Variants in TMEFF2 observed in about 807,000 individuals in gnomAD.
TMEFF2 encodes the protein transmembrane protein with EGF like and two follistatin like domains 2, also known as tomoregulin-2.
Under a neutral mutation model 53.8 loss-of-function variants are expected in TMEFF2, and 28 were observed. The observed-to-expected ratio is 0.52, with a 90% CI of 0.39 to 0.71. The LOEUF (loss-of-function observed/expected upper bound fraction) is 0.71. Ranked by LOEUF, TMEFF2 falls within the 30% of genes least tolerant of loss-of-function variation. The pLI, the probability that TMEFF2 is intolerant of heterozygous loss-of-function variation, is 0.00. For synonymous variants in TMEFF2, 162 were observed against 166.3 expected, an observed-to-expected ratio of 0.97 and a Z score of 0.20; for missense variants, 353 against 455.2, an observed-to-expected ratio of 0.78 and a Z score of 2.04.
chr2:191,964,217 TGTCTGTCTTTCTTTCC>T (rs929377312), intron 7 of TMEFF2, among the ~76,000 whole-genome samples: 5 of 110,694 alleles, frequency 4.5e-5, no homozygotes, highest in African/African-American at 1.5e-4. Flanking sequence ...TCTCTCTTTC[TGTCTGTCTTTCTTTCC>T]TTCCTTCCTT....
chr2:192,046,525 T>C (rs974152630), intron 5 of TMEFF2, among the ~76,000 whole-genome samples: 7 of 152,180 alleles, frequency 4.6e-5, no homozygotes, highest in East Asian at 1.9e-4. Flanking sequence ...CCAAAATTCA[T>C]TGGTCCAGAA....
chr2:192,076,787 C>G (rs895935629), intron 4 of TMEFF2, among the ~76,000 whole-genome samples: 1 of 152,104 alleles, frequency 6.6e-6, no homozygotes, highest in African/African-American at 2.4e-5. Flanking sequence ...GCAGGGTGTC[C>G]CACCACAGAT....
intron 4 of TMEFF2, among the ~76,000 whole-genome samples, chr2:192,062,968 GTTT>G (rs58620145): frequency 9.9e-5 from 15 of 151,006 alleles, no homozygotes; most frequent in South Asian, 2.1e-4. Context: ...GTCCGGGAGT[GTTT>G]TTTTTTTTTG....
intron 5 of TMEFF2, among the ~76,000 whole-genome samples, chr2:192,007,611 T>C (rs533169292): frequency 6.6e-6 from 1 of 152,292 alleles, no homozygotes; most frequent in Admixed American, 6.5e-5. Context: ...CTAGACAGAT[T>C]GCAAAGGGCC....
intron 4 of TMEFF2, among the ~76,000 whole-genome samples, chr2:192,098,797 T>A (rs1336538526): frequency 6.6e-6 from 1 of 152,196 alleles, no homozygotes; most frequent in African/African-American, 2.4e-5. Flanking sequence ...TCATAATTCA[T>A]TATTTGTATG....
chr2:192,122,165 T>C lies in TMEFF2; in HGVS notation c.439+57503A>G, dbSNP rs191957046. Reference sequence around the variant, plus strand: ...AGGTGTCATATGTGCCCCATATATATACATAATTATTATTTGTCAAAAAAA... The same window carrying C: ...AGGTGTCATATGTGCCCCATATATACACATAATTATTATTTGTCAAAAAAA... On this transcript the variant is annotated intron_variant, in intron 4 of 9. Transcript: ENST00000272771. Among the ~76,000 whole-genome samples the C allele has an allele frequency of 1.8e-3, 279 of 152,270 alleles. 1 individual carries two copies. Among genetic ancestry groups the C allele is most frequent in the African/African-American group, 6.4e-3 (264 of 41,558 alleles).
At chr2:192,082,344 TC>T (rs1442864073) in intron 4 of TMEFF2, among the ~76,000 whole-genome samples, 2 of 152,266 alleles carry the variant, frequency 1.3e-5, no homozygotes, top group East Asian at 3.9e-4. Flanking sequence ...AGGATTCTTA[TC>T]AGCACAGAGC....
chr2:192,099,733 T>A (rs140607034), intron 4 of TMEFF2, among the ~76,000 whole-genome samples: 11 of 152,232 alleles, frequency 7.2e-5, no homozygotes, highest in African/African-American at 2.4e-4. Flanking sequence ...AGCTAGGGTT[T>A]TACTCCCATG....
chr2:191,973,773 A>G (rs1470698919), intron 7 of TMEFF2, among the ~76,000 whole-genome samples: 1 of 152,154 alleles, frequency 6.6e-6, no homozygotes, highest in African/African-American at 2.4e-5. Flanking sequence ...AGGTAATTGA[A>G]TCATGGGGGC....
intron 4 of TMEFF2, among the ~76,000 whole-genome samples, chr2:192,154,224 G>A (rs1690453948): frequency 6.6e-6 from 1 of 152,026 alleles, no homozygotes; most frequent in East Asian, 1.9e-4. Context: ...TCCAGAAGTG[G>A]TGTATGTTTG....
chr2:192,155,065 C>T (rs1371835432), intron 4 of TMEFF2, among the ~76,000 whole-genome samples: 1 of 151,850 alleles, frequency 6.6e-6, no homozygotes, highest in Non-Finnish European at 1.5e-5. Flanking sequence ...TCCCATTGGC[C>T]AATGCACCCT....
At chr2:192,107,720 A>G (rs1327559743) in intron 4 of TMEFF2, among the ~76,000 whole-genome samples, 1 of 151,560 alleles carries the variant, frequency 6.6e-6, no homozygotes, top group East Asian at 1.9e-4. Context: ...TTTCCCAAAT[A>G]TAATAATTCA....
intron 4 of TMEFF2, among the ~76,000 whole-genome samples, chr2:192,072,315 A>C (rs1688309985): frequency 6.6e-6 from 1 of 151,990 alleles, no homozygotes; most frequent in South Asian, 2.1e-4. Context: ...TACAGGAAAT[A>C]TTTTCTAATA....
intron 5 of TMEFF2, chr2:192,031,365 A>G (rs1687132458): frequency 6.6e-6 from 1 of 152,202 alleles, no homozygotes. Flanking sequence ...GACACTTAGC[A>G]GACAGTCAGT....
intron 4 of TMEFF2, among the ~76,000 whole-genome samples, chr2:192,101,735 CAAA>C (rs1211471262): frequency 6.6e-6 from 1 of 152,158 alleles, no homozygotes; most frequent in Non-Finnish European, 1.5e-5. Context: ...CATGCTATAA[CAAA>C]AGACTGAAAA....
At position 192,086,680 on chromosome 2, in the gene TMEFF2, C is replaced by G. The variant is rs150941352; in HGVS notation, c.440-28905G>C. 2.8e-3 allele frequency among the ~76,000 whole-genome samples: 431 copies of G among 152,214 alleles called. 3 individuals are homozygous for G. The highest frequency in any genetic ancestry group is 5.0e-3 in the Non-Finnish European group (343 of 67,986). On this transcript the variant is annotated intron_variant, in intron 4 of 9. Transcript: ENST00000272771. Reference sequence around the variant, plus strand: ...TGGTAGGTGCCAAGCTAATACAAAACAAGACAAATCTCTTACCCAGGGGAC... The same window carrying G: ...TGGTAGGTGCCAAGCTAATACAAAAGAAGACAAATCTCTTACCCAGGGGAC...
At chr2:192,002,999 A>C (rs13432794) in intron 5 of TMEFF2, among the ~76,000 whole-genome samples, 1 of 152,076 alleles carries the variant, frequency 6.6e-6, no homozygotes, top group East Asian at 1.9e-4. Flanking sequence ...AAGCTTATTC[A>C]GTCAGAAAAA....
In TMEFF2 at chr2:192,130,671, C is replaced by T. The variant is rs527625532; in HGVS notation, c.439+48997G>A. 3.3e-5 allele frequency among the ~76,000 whole-genome samples: 5 copies of T among 152,140 alleles called. No individual in the cohort carries two copies. The East Asian group carries it at 5.8e-4, about 18-fold the overall frequency. ...CTCTTTGACTGTAATTTTCCATTAC[C>T]TTCCCAAATCCTATGAAACGGCCCC... On this transcript the variant is annotated intron_variant, in intron 4 of 9. Transcript: ENST00000272771.
intron 5 of TMEFF2, among the ~76,000 whole-genome samples, chr2:192,030,158 C>T (rs1472367795): frequency 6.6e-6 from 1 of 152,144 alleles, no homozygotes; most frequent in African/African-American, 2.4e-5. Flanking sequence ...ATATCATAGT[C>T]AATAGTTTAT....
Sources: gnomAD v4.1 joint callset for allele counts (sites outside exome capture counted in the v4.1 genomes callset) on GRCh38, gnomAD v4.1.1 for gene constraint, MANE v1.5 for transcripts, NCBI Gene and HGNC (gene_info 2026-07-23, HGNC 2026-07-21) for gene names.